RAD51B: variants seen among roughly 807,000 people sequenced by gnomAD.
RAD51B encodes DNA repair protein RAD51 homolog 2.
In RAD51B, 38 loss-of-function variants were observed where a neutral mutation model predicts 42.2. The observed-to-expected ratio is 0.90, with a 90% CI of 0.70 to 1.18. The LOEUF (loss-of-function observed/expected upper bound fraction) is 1.18, where lower values mean the gene tolerates loss of function less well. Ranked by LOEUF, RAD51B falls within the 50% of genes most tolerant of loss-of-function variation. The probability of loss-of-function intolerance (pLI) is 0.00; values close to 1 mark genes in which losing one functional copy is unlikely to be tolerated. For missense variants in RAD51B, 373 were observed against 400.7 expected (o/e 0.93, Z 0.59); for synonymous variants, 154 against 145.2 (o/e 1.06, Z -0.43).
intron 7 of RAD51B, among the ~76,000 whole-genome samples, chr14:67,897,412 C>A (rs998607585): frequency 6.6e-6 from 1 of 152,018 alleles, no homozygotes; most frequent in South Asian, 2.1e-4. Flanking sequence ...CAAGAACAAG[C>A]AAGCAAACAA....
chr14:68,002,327 TG>T (rs1298627281), intron 7 of RAD51B, among the ~76,000 whole-genome samples: 2 of 152,362 alleles, frequency 1.3e-5, no homozygotes, highest in South Asian at 2.1e-4. Context: ...GTTAGCTGCA[TG>T]TATATCTTCT....
At chr14:68,334,983 A>T (rs1279569432) in intron 8 of RAD51B, among the ~76,000 whole-genome samples, 1 of 148,598 alleles carries the variant, frequency 6.7e-6, no homozygotes, top group Non-Finnish European at 1.5e-5. Flanking sequence ...AAAAAAACAA[A>T]CAAGAACTGA....
At chr14:68,094,710 C>T (rs769302016) in intron 7 of RAD51B, among the ~76,000 whole-genome samples, 22 of 152,006 alleles carry the variant, frequency 1.4e-4, no homozygotes, top group Non-Finnish European at 2.8e-4. Context: ...TATGATTATC[C>T]CCACAGTCAG....
At chr14:68,136,146 G>C (rs1213038254) in intron 7 of RAD51B, among the ~76,000 whole-genome samples, 1 of 152,146 alleles carries the variant, frequency 6.6e-6, no homozygotes, top group African/African-American at 2.4e-5. Context: ...ACAGGATCTA[G>C]ACTGTGTAAT....
Position 68,638,599 on chromosome 14 carries a change from AGCTG to A in RAD51B, c.1037-12179_1037-12176del, listed in dbSNP as rs1892389606. 3.3e-5 allele frequency among the ~76,000 whole-genome samples: 5 copies of A among 152,148 alleles called. No homozygotes were observed. The South Asian group carries it at 1.0e-3, about 32-fold the overall frequency. Reference sequence around the variant, plus strand: ...GGGTTGCTGGGTGATGGGGGAGGGGAGCTGGCATCCACTTTGTACCTGGGATCTG... The same window carrying A: ...GGGTTGCTGGGTGATGGGGGAGGGGAGCATCCACTTTGTACCTGGGATCTG... On this transcript the variant is annotated intron_variant, in intron 10 of 11. Transcript: ENST00000488612.
intron 7 of RAD51B, among the ~76,000 whole-genome samples, chr14:68,032,085 A>G (rs1462962137): frequency 1.3e-5 from 2 of 152,186 alleles, no homozygotes; most frequent in Admixed American, 6.5e-5. Context: ...AATCTTGGGC[A>G]AATTATGTAT....
chr14:67,869,868 T>C (rs2042462489), intron 5 of RAD51B, among the ~76,000 whole-genome samples: 1 of 151,970 alleles, frequency 6.6e-6, no homozygotes, highest in Non-Finnish European at 1.5e-5. Context: ...TAAAATACTT[T>C]ACAGACAAGC....
intron 8 of RAD51B, among the ~76,000 whole-genome samples, chr14:68,340,125 C>A (rs1281455187): frequency 2.0e-5 from 3 of 152,212 alleles, no homozygotes; most frequent in African/African-American, 7.2e-5. Flanking sequence ...GAAATAACTT[C>A]AAGGTGTCTT....
At chr14:68,419,803 G>C (rs2140103605) in intron 9 of RAD51B, among the ~76,000 whole-genome samples, 1 of 146,488 alleles carries the variant, frequency 6.8e-6, no homozygotes, top group East Asian at 1.9e-4. Context: ...TGAAAAAGCA[G>C]GGCAGGACAG....
At chr14:68,068,626 A>G (rs1320208237) in intron 7 of RAD51B, among the ~76,000 whole-genome samples, 1 of 152,162 alleles carries the variant, frequency 6.6e-6, no homozygotes, top group Non-Finnish European at 1.5e-5. Context: ...TCTTGGGTGT[A>G]TAGCTGGGTG....
chr14:68,115,546 A>AT (rs2077531337), intron 7 of RAD51B, among the ~76,000 whole-genome samples: 1 of 148,216 alleles, frequency 6.7e-6, no homozygotes, highest in African/African-American at 2.6e-5. Context: ...AAAGTATAAA[A>AT]AAAAAAAAAA....
chr14:68,044,346 T>G (rs1221500170), intron 7 of RAD51B, among the ~76,000 whole-genome samples: 1 of 152,214 alleles, frequency 6.6e-6, no homozygotes, highest in Non-Finnish European at 1.5e-5. Flanking sequence ...TTGCTTCAAA[T>G]AGTGGGGTGA....
At chr14:68,334,652 C>T (rs2082410727) in intron 8 of RAD51B, among the ~76,000 whole-genome samples, 1 of 152,046 alleles carries the variant, frequency 6.6e-6, no homozygotes, top group Non-Finnish European at 1.5e-5. Context: ...TTTATCCATT[C>T]ATCTGTTGAT....
At chr14:68,619,970 T>C (rs986383995) in intron 10 of RAD51B, among the ~76,000 whole-genome samples, 1 of 152,140 alleles carries the variant, frequency 6.6e-6, no homozygotes, top group Non-Finnish European at 1.5e-5. Flanking sequence ...CCAAATATAA[T>C]GTACCTTTCC....
intron 8 of RAD51B, among the ~76,000 whole-genome samples, chr14:68,311,064 G>C (rs1481402994): frequency 6.6e-6 from 1 of 151,884 alleles, no homozygotes; most frequent in East Asian, 1.9e-4. Flanking sequence ...GTTAACTGCA[G>C]TCCAACATGT....
At chr14:68,211,217 C>G (rs1006569555) in intron 7 of RAD51B, among the ~76,000 whole-genome samples, 2 of 152,116 alleles carry the variant, frequency 1.3e-5, no homozygotes, top group East Asian at 1.9e-4. Context: ...TGACCCTTTC[C>G]CCTCCCCACC....
intron 9 of RAD51B, among the ~76,000 whole-genome samples, chr14:68,413,665 C>T (rs1353677085): frequency 6.6e-6 from 1 of 152,108 alleles, no homozygotes; most frequent in Non-Finnish European, 1.5e-5. Flanking sequence ...CCTTATCTTG[C>T]CTTAGCAGAG....
intron 7 of RAD51B, among the ~76,000 whole-genome samples, chr14:67,894,652 T>C (rs1329568824): frequency 6.6e-6 from 1 of 152,236 alleles, no homozygotes; most frequent in Non-Finnish European, 1.5e-5. Flanking sequence ...GTAAGTAACT[T>C]CTCTGTCTGT....
chr14:68,278,613 G>A (rs531660055), intron 7 of RAD51B, among the ~76,000 whole-genome samples: 1 of 152,218 alleles, frequency 6.6e-6, no homozygotes, highest in African/African-American at 2.4e-5. Context: ...ATAAAGGGGT[G>A]CTAAGGGAAG....
Sources: allele counts gnomAD v4.1 joint callset (sites outside exome capture counted in the v4.1 genomes callset), GRCh38; gene constraint gnomAD v4.1.1; transcripts MANE v1.5; gene names NCBI Gene and HGNC (gene_info 2026-07-23, HGNC 2026-07-21).